CHRNE: variants seen among roughly 807,000 people sequenced by gnomAD.
The protein encoded by CHRNE is cholinergic receptor nicotinic epsilon subunit.
Under a neutral mutation model 56.5 loss-of-function variants are expected in CHRNE, and 58 were observed. That is an observed-to-expected ratio of 1.03 (90% CI 0.83 to 1.28). The LOEUF is 1.28. Ranked by LOEUF, CHRNE falls within the 50% of genes most tolerant of loss-of-function variation. CHRNE has a pLI of 0.00. For missense variants in CHRNE, 793 were observed against 688.9 expected (o/e 1.15, Z -1.69); for synonymous variants, 385 against 297.9 (o/e 1.29, Z -3.01).
At position 4,902,382 on chromosome 17, in the gene CHRNE, T is replaced by C. The variant is rs111764349; in HGVS notation, c.235-56A>G. 5.6e-6 allele frequency: 9 copies of C among 1,613,302 alleles called. No individual in the cohort carries two copies. The African/African-American group carries it at 8.0e-5, about 14-fold the overall frequency. ...CCTGCATCTCCCACCTGGCGCTGCC[T>C]GGGAGGGGTTTGGGGGAAAAGGGGT... On this transcript the variant is annotated intron_variant, in intron 3 of 11. Coordinates refer to ENST00000649488, the MANE Select transcript of CHRNE (RefSeq NM_000080.4). This position sits in a 1 kb window ranked among gnomAD's most constrained non-coding sequence, Gnocchi z 4.0.
chr17:4,899,141 G>T, intron 10 of CHRNE, 34 bp from the exon 11 acceptor site: 1 of 1,599,340 alleles, frequency 6.3e-7, no homozygotes, highest in Non-Finnish European at 8.5e-7. Flanking sequence ...GGCCTTAGGA[G>T]CCTCCCCCCT....
In CHRNE at chr17:4,902,858, G is replaced by C; in HGVS notation, c.47-95C>G. 1 of 1,592,496 alleles carries C rather than the reference G, an allele frequency of 6.3e-7. No homozygotes were observed. Among genetic ancestry groups the C allele is most frequent in the Non-Finnish European group, 8.6e-7 (1 of 1,161,358 alleles). On this transcript the variant is annotated intron_variant, in intron 1 of 11. Coordinates refer to ENST00000649488, the MANE Select transcript of CHRNE (RefSeq NM_000080.4). The surrounding 1 kb of genome is among the most constrained non-coding windows in gnomAD (Gnocchi z 4.0). ...CCCCTGGGTCCTCACAGGCCTCTGA[G>C]GCTGTGTACTATCAGTATCTGTCTC... is the stretch of plus-strand genomic sequence containing the variant.
upstream of CHRNE, among the ~76,000 whole-genome samples, chr17:4,907,905 G>A (rs1260047039): frequency 4.6e-5 from 7 of 152,062 alleles, no homozygotes; most frequent in African/African-American, 1.2e-4. Flanking sequence ...AGTCGGGCAC[G>A]GTGGCTCACA....
At chr17:4,899,661 G>A (rs1019655704) in intron 8 of CHRNE, 79 bp from the exon 9 acceptor site, 14 of 1,439,724 alleles carry the variant, frequency 9.7e-6, no homozygotes, top group Non-Finnish European at 1.2e-5. Context: ...TCACAAACAC[G>A]GCTTCTCCTG....
In CHRNE at chr17:4,902,612, G is replaced by A. The variant is rs1415170062; in HGVS notation, c.189+9C>T. The stretch of plus-strand genomic sequence containing the variant: ...TTTTTGGCTTAAGATGAGGGTGGGG[G>A]TAGCTTACCAGTGAGATGAGATTCG... On this transcript the variant is annotated intron_variant, in intron 2 of 11. Transcript: ENST00000649488. This position sits in a 1 kb window ranked among gnomAD's most constrained non-coding sequence, Gnocchi z 4.0. 9 of 1,614,026 alleles carry A rather than the reference G, an allele frequency of 5.6e-6. No homozygotes were observed. The Admixed American group carries it at 1.5e-4, about 27-fold the overall frequency.
At position 4,898,121 on chromosome 17, in the gene CHRNE, G is replaced by C. The variant is rs761563733; in HGVS notation, c.*615C>G. 4 of 163,344 alleles carry C rather than the reference G, an allele frequency of 2.4e-5. No individual in the cohort carries two copies. The highest frequency in any genetic ancestry group is 7.2e-5 in the African/African-American group (3 of 41,524). 10.1% of individuals were successfully genotyped at this position (163,344 alleles called of 1,614,324 possible). On this transcript the variant is annotated 3_prime_UTR_variant, in exon 12 of 12. Transcript: ENST00000649488. ...GTAGACTAGGCAGAGAGAGCCTCCA[G>C]GGTGGGGAAGAAAGGGGCAGGGTGG...
At chr17:4,901,873 C>T (rs1420790768) in intron 5 of CHRNE, 59 bp downstream of exon 5, 2 of 1,476,088 alleles carry the variant, frequency 1.4e-6, no homozygotes, top group Non-Finnish European at 9.4e-7. Context: ...CGGTTGGCCC[C>T]GCCCCATAAG....
upstream of CHRNE, among the ~76,000 whole-genome samples, chr17:4,903,991 G>A (rs1970055587): frequency 1.3e-5 from 2 of 152,088 alleles, no homozygotes; most frequent in African/African-American, 4.8e-5. Context: ...TGGAGTAGCT[G>A]GGACTACAGG....
At chr17:4,899,166 G>A (rs759623146) in intron 10 of CHRNE, 32 bp downstream of exon 10, 6 of 1,591,878 alleles carry the variant, frequency 3.8e-6, no homozygotes, top group African/African-American at 2.7e-5. Flanking sequence ...GGCACCCCGC[G>A]CGGCCCCCCG....
At chr17:4,905,069 G>A (rs2151100322), upstream of CHRNE, among the ~76,000 whole-genome samples, 2 of 152,312 alleles carry the variant, frequency 1.3e-5, no homozygotes, top group South Asian at 4.1e-4. Context: ...AACATCAGTG[G>A]ACACCTACAA....
chr17:4,908,511 C>T (rs934866097), intron 1 of CHRNE, among the ~76,000 whole-genome samples: 4 of 151,962 alleles, frequency 2.6e-5, no homozygotes, highest in African/African-American at 9.7e-5. Flanking sequence ...CGCTCAGCCA[C>T]CGTCTTTGTC....
At chr17:4,906,517 G>A (rs563593766), upstream of CHRNE, among the ~76,000 whole-genome samples, 2 of 152,086 alleles carry the variant, frequency 1.3e-5, no homozygotes, top group Non-Finnish European at 1.5e-5. Flanking sequence ...TGATCAAAAA[G>A]AGGGCAGAAG....
chr17:4,905,895 C>G (rs1248717367), upstream of CHRNE, among the ~76,000 whole-genome samples: 2 of 152,104 alleles, frequency 1.3e-5, no homozygotes, highest in Non-Finnish European at 2.9e-5. Flanking sequence ...CCTAGGTTTC[C>G]TGTAGTCTTG....
In CHRNE at chr17:4,899,012, C is replaced by T; in HGVS notation, c.1315G>A (p.Ala439Thr). ...FVAESTRDQEATGEEVSDWVR... is the reference protein window; with the variant it reads ...FVAESTRDQETTGEEVSDWVR... ...GGCTCCTGTCCCACCTCGCCGGTGG[C>T]CTCCTGATCTCTCGTGCTCTCGGCC... is the stretch of plus-strand genomic sequence containing the variant. The change falls in exon 11 of 12, where the codon GCC becomes ACC. Residue 439 changes from alanine (A) to threonine (T), a missense_variant. Ala to Thr is a moderately conservative substitution (Grantham distance 58). Coordinates refer to ENST00000649488, the MANE Select transcript of CHRNE (RefSeq NM_000080.4). 1.2e-6 allele frequency: 2 copies of T among 1,603,494 alleles called. No homozygotes were observed. Among genetic ancestry groups the T allele is most frequent in the African/African-American group, 1.3e-5 (1 of 74,962 alleles).
upstream of CHRNE, among the ~76,000 whole-genome samples, chr17:4,907,437 G>A (rs566206760): frequency 7.1e-4 from 107 of 151,516 alleles, no homozygotes; most frequent in African/African-American, 2.4e-3. Flanking sequence ...GCATGGTGGC[G>A]GGCGCCTGTA....
Position 4,898,760 on chromosome 17 carries a change from G to A in CHRNE, c.1458C>T (p.Pro486=), listed in dbSNP as rs768977197. ...GCTAAGGCTGGATACACGGCGCGTA[G>A]GGGAGATCAGGCACTCGGTTGAAGT... is the stretch of plus-strand genomic sequence containing the variant. The part of the protein sequence containing the change: ...GAYFNRVPDL[P]YAPCIQP Residue 486 remains proline (P), a synonymous_variant, in exon 12 of 12, where the codon CCC becomes CCT. Transcript: ENST00000649488. 57 of 1,611,022 alleles carry A rather than the reference G, an allele frequency of 3.5e-5. No individual in the cohort carries two copies. In the Admixed American group the frequency reaches 4.2e-4, roughly 12 times the overall value.
upstream of CHRNE, among the ~76,000 whole-genome samples, chr17:4,906,679 C>A (rs892807389): frequency 6.6e-6 from 1 of 151,752 alleles, no homozygotes; most frequent in Non-Finnish European, 1.5e-5. Flanking sequence ...ATAGTGAGAC[C>A]TCATCTGTAA....
At position 4,902,558 on chromosome 17, in the gene CHRNE, G is replaced by C; in HGVS notation, c.189+63C>G. On this transcript the variant is annotated intron_variant, in intron 2 of 11. Coordinates refer to ENST00000649488, the MANE Select transcript of CHRNE (RefSeq NM_000080.4). The surrounding 1 kb of genome is among the most constrained non-coding windows in gnomAD (Gnocchi z 4.0). The stretch of plus-strand genomic sequence containing the variant: ...AGGGCCAGAAGTGAGCTTTAGGACA[G>C]AGCTCAGCGGTTGGGGCCAGAAGTG... The C allele has an allele frequency of 5.6e-6, 9 of 1,613,832 alleles. No individual in the cohort carries two copies. Among genetic ancestry groups the C allele is most frequent in the Non-Finnish European group, 7.6e-6 (9 of 1,179,680 alleles).
Position 4,900,432 on chromosome 17 carries a change from C to G in CHRNE, c.917+361G>C, listed in dbSNP as rs778322519. On this transcript the variant is annotated intron_variant, in intron 8 of 11. Transcript: ENST00000649488. ...GGGAGCATGGCTATGCCTGTGTGGA[C>G]GGGGTCTGCAGGGGTCTGCCTCATT... is the stretch of plus-strand genomic sequence containing the variant. The G allele has an allele frequency of 1.9e-6, 3 of 1,551,032 alleles. No homozygotes were observed. The South Asian group carries it at 3.6e-5, about 18-fold the overall frequency.
Sources: gnomAD v4.1 joint callset for allele counts (sites outside exome capture counted in the v4.1 genomes callset) on GRCh38, gnomAD v4.1.1 for gene constraint, Gnocchi (gnomAD v3.1) non-coding constraint, MANE v1.5 for transcripts, NCBI Gene and HGNC (gene_info 2026-07-23, HGNC 2026-07-21) for gene names.